Variants in ROBO1 observed in about 807,000 individuals in gnomAD.
The protein encoded by ROBO1 is roundabout homolog 1.
ROBO1 carries 149 observed loss-of-function variants against 195.9 expected under a neutral mutation model. That is an observed-to-expected ratio of 0.76 (90% CI 0.67 to 0.87). The LOEUF is 0.87. Among genes scored for constraint, ROBO1 ranks in the 40% least tolerant of loss-of-function variants. The probability of loss-of-function intolerance (pLI) is 0.00; values close to 1 mark genes in which losing one functional copy is unlikely to be tolerated. For missense variants in ROBO1, 1,933 were observed against 2,068.3 expected, an observed-to-expected ratio of 0.93 and a Z score of 1.27; for synonymous variants, 816 against 733.2, an observed-to-expected ratio of 1.11 and a Z score of -1.82.
At chr3:79,296,840 C>G (rs2032621163) in intron 2 of ROBO1, among the ~76,000 whole-genome samples, 1 of 152,052 alleles carries the variant, frequency 6.6e-6, no homozygotes, top group African/African-American at 2.4e-5. Flanking sequence ...GCTTGTTATT[C>G]CCCATCTTTT....
In ROBO1 at chr3:79,138,898, C is replaced by T. The variant is rs113362240; in HGVS notation, c.89-13359G>A. On this transcript the variant is annotated intron_variant, in intron 2 of 30. Transcript: ENST00000464233. ...TGGAGTGCATTTTTCTGAGAGGCTGCTCTTGAAATTAAAGTGATATTATAA... is the reference window on the plus strand; with the variant it reads ...TGGAGTGCATTTTTCTGAGAGGCTGTTCTTGAAATTAAAGTGATATTATAA... Among the ~76,000 whole-genome samples the T allele has an allele frequency of 5.9e-5, 9 of 151,798 alleles. 1 individual carries two copies. Among genetic ancestry groups the T allele is most frequent in the African/African-American group, 2.2e-4 (9 of 41,508 alleles).
intron 2 of ROBO1, among the ~76,000 whole-genome samples, chr3:79,502,561 C>G (rs1221924396): frequency 6.6e-6 from 1 of 152,158 alleles, no homozygotes; most frequent in Non-Finnish European, 1.5e-5. Flanking sequence ...ATCCCCTGCT[C>G]CACAGCTCCC....
intron 2 of ROBO1, among the ~76,000 whole-genome samples, chr3:79,487,834 G>A (rs1939242530): frequency 6.6e-6 from 1 of 151,970 alleles, no homozygotes; most frequent in African/African-American, 2.4e-5. Flanking sequence ...AACAGTGGAG[G>A]ACTTTTATTA....
intron 2 of ROBO1, among the ~76,000 whole-genome samples, chr3:79,569,126 GCACACACA>G (rs71127393): frequency 2.0e-5 from 3 of 149,616 alleles, no homozygotes; most frequent in African/African-American, 2.4e-5. Flanking sequence ...GTGCACACGC[GCACACACA>G]CACACACACA....
At chr3:79,546,026 G>T (rs187520128) in intron 2 of ROBO1, among the ~76,000 whole-genome samples, 3 of 152,152 alleles carry the variant, frequency 2.0e-5, no homozygotes, top group East Asian at 3.9e-4. Flanking sequence ...GCCCTCTTCA[G>T]TATGAATATC....
intron 2 of ROBO1, among the ~76,000 whole-genome samples, chr3:79,459,321 ATTAG>A (rs1204141906): frequency 6.6e-6 from 1 of 152,170 alleles, no homozygotes; most frequent in Non-Finnish European, 1.5e-5. Flanking sequence ...AAGTGCTAAA[ATTAG>A]TTATTCTCTA....
At chr3:79,643,135 T>C (rs1945715573) in intron 1 of ROBO1, among the ~76,000 whole-genome samples, 2 of 152,110 alleles carry the variant, frequency 1.3e-5, no homozygotes, top group Admixed American at 6.6e-5. Context: ...AGACTTGCTG[T>C]GTCTTCTGGC....
At chr3:79,448,439 T>A (rs989874728) in intron 2 of ROBO1, among the ~76,000 whole-genome samples, 1 of 152,210 alleles carries the variant, frequency 6.6e-6, no homozygotes. Context: ...TTATGCTTTG[T>A]AAGGGTCCTC....
At chr3:78,872,921 G>A (rs2035632720) in intron 4 of ROBO1, among the ~76,000 whole-genome samples, 1 of 152,032 alleles carries the variant, frequency 6.6e-6, no homozygotes, top group Admixed American at 6.6e-5. Flanking sequence ...CAAAAGAATA[G>A]GTCTTTGTAA....
chr3:78,964,215 C>A (rs1039101277), intron 3 of ROBO1, among the ~76,000 whole-genome samples: 5 of 152,138 alleles, frequency 3.3e-5, no homozygotes, highest in African/African-American at 1.2e-4. Context: ...TAGGGCCCAC[C>A]CTAATGACCT....
At chr3:79,614,030 AAT>A (rs1223278356) in intron 1 of ROBO1, among the ~76,000 whole-genome samples, 1 of 152,016 alleles carries the variant, frequency 6.6e-6, no homozygotes, top group Admixed American at 6.6e-5. Flanking sequence ...AAAAAGATAA[AAT>A]AAAAGAAATA....
chr3:78,614,602 A>T, intron 28 of ROBO1, 46 bp downstream of exon 28: 1 of 1,603,050 alleles, frequency 6.2e-7, no homozygotes, highest in Non-Finnish European at 8.5e-7. Flanking sequence ...AGGCAGGGTA[A>T]ATAGGCGAGA....
chr3:79,122,212 T>C (rs1171974638), intron 3 of ROBO1, among the ~76,000 whole-genome samples: 4 of 152,030 alleles, frequency 2.6e-5, no homozygotes, highest in African/African-American at 9.7e-5. Context: ...AAAGGCTATA[T>C]GCCGCGAACT....
intron 2 of ROBO1, among the ~76,000 whole-genome samples, chr3:79,367,705 C>T (rs1345141623): frequency 6.6e-6 from 1 of 152,180 alleles, no homozygotes; most frequent in African/African-American, 2.4e-5. Flanking sequence ...ACATATTACT[C>T]CTGAGTTCTC....
intron 3 of ROBO1, among the ~76,000 whole-genome samples, chr3:78,958,790 A>C (rs1479519690): frequency 6.6e-6 from 1 of 151,134 alleles, no homozygotes; most frequent in African/African-American, 2.4e-5. Flanking sequence ...TCCCAGGTAA[A>C]CCAGGATGCT....
chr3:78,683,182 A>AT (rs1343887674), intron 10 of ROBO1, among the ~76,000 whole-genome samples: 5 of 152,022 alleles, frequency 3.3e-5, no homozygotes, highest in Admixed American at 2.6e-4. Context: ...CTAGGTATAA[A>AT]TGTACCAAAA....
chr3:79,199,604 A>ATT (rs113303436), intron 2 of ROBO1, among the ~76,000 whole-genome samples: 4 of 148,046 alleles, frequency 2.7e-5, no homozygotes, highest in Non-Finnish European at 4.5e-5. Context: ...CCCAATTACC[A>ATT]TTTTTTTTTT....
At chr3:79,613,341 C>A (rs1407873910) in intron 1 of ROBO1, among the ~76,000 whole-genome samples, 1 of 151,728 alleles carries the variant, frequency 6.6e-6, no homozygotes, top group African/African-American at 2.4e-5. Flanking sequence ...AAGAAACGTG[C>A]TATAAATTAA....
intron 2 of ROBO1, among the ~76,000 whole-genome samples, chr3:79,357,243 T>C (rs1186111838): frequency 6.6e-6 from 1 of 152,140 alleles, no homozygotes; most frequent in Non-Finnish European, 1.5e-5. Context: ...CATGCCTGAA[T>C]GAAGTTACTT....
Sources: gnomAD v4.1 joint callset for allele counts (sites outside exome capture counted in the v4.1 genomes callset) on GRCh38, gnomAD v4.1.1 for gene constraint, MANE v1.5 for transcripts, NCBI Gene and HGNC (gene_info 2026-07-23, HGNC 2026-07-21) for gene names.